Variants in KIF20B observed in about 807,000 individuals in gnomAD.
The protein encoded by KIF20B is kinesin-like protein KIF20B.
KIF20B carries 188 observed loss-of-function variants against 232.5 expected under a neutral mutation model. The ratio of observed to expected loss-of-function variants is 0.81; its 90% CI spans 0.72 to 0.91. KIF20B has a LOEUF of 0.91. Ranked by LOEUF, KIF20B falls within the 40% of genes least tolerant of loss-of-function variation. The pLI is 0.00. For missense variants in KIF20B, 2,154 were observed against 2,055.9 expected, an observed-to-expected ratio of 1.05 and a Z score of -0.92; for synonymous variants, 712 against 683.0, an observed-to-expected ratio of 1.04 and a Z score of -0.66.
chr10:89,714,506 AT>A (rs1438996598), intron 7 of KIF20B, among the ~76,000 whole-genome samples: 4 of 151,830 alleles, frequency 2.6e-5, no homozygotes, highest in East Asian at 1.9e-4. Context: ...GTATTTATTT[AT>A]TTTTTTTCTA....
intron 19 of KIF20B, among the ~76,000 whole-genome samples, chr10:89,735,848 AG>A (rs756221654): frequency 6.6e-6 from 1 of 152,100 alleles, no homozygotes; most frequent in Non-Finnish European, 1.5e-5. Context: ...AGAAAGTAGT[AG>A]GTTTCTTAAC....
chr10:89,773,808 A>G (rs535956661), intron 32 of KIF20B, among the ~76,000 whole-genome samples, 163 bp from the exon 33 acceptor site: 5 of 152,118 alleles, frequency 3.3e-5, no homozygotes, highest in African/African-American at 1.2e-4. Context: ...TTTTTTAAAT[A>G]AATTTTTATA....
In KIF20B at chr10:89,710,013, T is replaced by A. The variant is rs1306248283; in HGVS notation, c.438T>A (p.Arg146=). ...PVKDLLKGQS[R]LIFTYGLTNS... ...AAGACCTCTTGAAAGGACAGAGTCG[T>A]CTGATTTTTACTTACGGGCTAACCA... Residue 146 remains arginine, a synonymous_variant, in exon 5 of 33, where the codon CGT becomes CGA. Transcript: ENST00000371728. The A allele has an allele frequency of 2.5e-6, 4 of 1,611,456 alleles. No homozygotes were observed. Among genetic ancestry groups the A allele is most frequent in the Non-Finnish European group, 3.4e-6 (4 of 1,178,774 alleles).
At position 89,768,348 on chromosome 10, in the gene KIF20B, C is replaced by G. The variant is rs373257085; in HGVS notation, c.5048C>G (p.Pro1683Arg). Residue 1683 changes from proline (P) to arginine (R), a missense_variant, in exon 30 of 33, where the codon CCT becomes CGT. Coordinates refer to ENST00000371728, the MANE Select transcript of KIF20B (RefSeq NM_001284259.2). ...ACACCCAGAACTAATTTGAAATTTCCTATTTCAGATGATAGAAATTCTTCT... is the reference window on the plus strand; with the variant it reads ...ACACCCAGAACTAATTTGAAATTTCGTATTTCAGATGATAGAAATTCTTCT... ...NATPRTNLKF[P>R]ISDDRNSSVK... 2.5e-6 allele frequency: 4 copies of G among 1,591,276 alleles called. No individual in the cohort carries two copies. Among genetic ancestry groups the G allele is most frequent in the Middle Eastern group, 1.7e-4 (1 of 6,010 alleles).
chr10:89,702,065 A>G (rs1297844803), intron 1 of KIF20B, among the ~76,000 whole-genome samples: 1 of 152,204 alleles, frequency 6.6e-6, no homozygotes, highest in African/African-American at 2.4e-5. Flanking sequence ...CACAGTAGGT[A>G]CTAAATGTTT....
At chr10:89,739,140 TG>T (rs1841738914) in intron 21 of KIF20B, 44 bp downstream of exon 21, 1 of 1,586,016 alleles carries the variant, frequency 6.3e-7, no homozygotes, top group Non-Finnish European at 8.6e-7. Flanking sequence ...TGATAAAGAT[TG>T]TTTTCCTTAT....
At chr10:89,713,065 GA>G (rs1050795418) in intron 6 of KIF20B, among the ~76,000 whole-genome samples, 5 of 151,952 alleles carry the variant, frequency 3.3e-5, no homozygotes, top group African/African-American at 1.2e-4. Flanking sequence ...CATTAATAAT[GA>G]AAAAAATTTT....
chr10:89,762,178 A>G (rs61870790), intron 28 of KIF20B, among the ~76,000 whole-genome samples: 1,886 of 152,276 alleles, frequency 0.012, 21 homozygotes, highest in Non-Finnish European at 0.019. Flanking sequence ...TTAGAGGACC[A>G]TAATGTTATT....
rs575848240 is a variant in KIF20B at position 89,724,830 on chromosome 10, G to A, written c.1863-190G>A. ...CGGTGTTGCTGTGTTGGCCAGGCTG[G>A]TTTCAAACTCCTGGCCTGAAGTGAT... On this transcript the variant is annotated intron_variant, in intron 14 of 32. Transcript: ENST00000371728. Among the ~76,000 whole-genome samples the A allele has an allele frequency of 1.6e-3, 238 of 152,212 alleles. 1 individual carries two copies. Among genetic ancestry groups the A allele is most frequent in the African/African-American group, 5.2e-3 (215 of 41,532 alleles).
intron 19 of KIF20B, among the ~76,000 whole-genome samples, chr10:89,736,907 T>C (rs575661630): frequency 6.6e-6 from 1 of 152,202 alleles, no homozygotes; most frequent in Middle Eastern, 3.4e-3. Context: ...CTTCTAATTT[T>C]AGCTATGAAA....
rs573176470 is a variant in KIF20B at position 89,717,426 on chromosome 10, A to C, written c.1055A>C (p.His352Pro). The change falls in exon 10 of 33, where the codon CAC becomes CCC. Residue 352 changes from histidine to proline, a missense_variant and splice_region_variant. By Grantham distance (77) the His-to-Pro change is moderately conservative. Transcript: ENST00000371728. ...AACATTTGATCTTTGTATTTCAGTC[A>C]CAGCATATTCACTGTTAAAATATTA... ...TKLNNASSRS[H>P]SIFTVKILQI... The C allele has an allele frequency of 1.3e-6, 2 of 1,561,372 alleles. No homozygotes were observed. Among genetic ancestry groups the C allele is most frequent in the African/African-American group, 2.7e-5 (2 of 73,620 alleles).
chr10:89,743,927 GGTAAACAGTTTT>G lies in KIF20B; in HGVS notation c.4035+3_4035+14del. The G allele has an allele frequency of 6.3e-7, 1 of 1,578,820 alleles. No individual in the cohort carries two copies. ...AACAGCGAACCATTCAGCAACTCAA[GGTAAACAGTTTT>G]GTTTTTAAAGATGATTTAAATGCAT... On this transcript the variant is annotated splice_donor_variant and splice_donor_5th_base_variant and intron_variant, in intron 22 of 32. Coordinates refer to ENST00000371728, the MANE Select transcript of KIF20B (RefSeq NM_001284259.2). LOFTEE classifies it high-confidence loss of function.
rs1842788565 is a variant in KIF20B, at chr10:89,709,228, A to C, written c.209A>C (p.Gln70Pro). Residue 70 changes from glutamine (Q) to proline (P), a missense_variant, in exon 3 of 33, where the codon CAG becomes CCG. Physicochemically the swap from Gln to Pro is moderately conservative, Grantham distance 76 (BLOSUM62 -1). Transcript: ENST00000371728. The stretch of plus-strand genomic sequence containing the variant: ...TGTCTTCGAATAAGACCATTTACAC[A>C]GTCAGAAAAAGAACTTGAGTCTGAG... Reference protein sequence around the residue: ...QVCLRIRPFTQSEKELESEGC... With the variant: ...QVCLRIRPFTPSEKELESEGC... 1.2e-6 allele frequency: 2 copies of C among 1,610,190 alleles called. No homozygotes were observed. The highest frequency in any genetic ancestry group is 1.3e-5 in the African/African-American group (1 of 74,964).
chr10:89,744,064 A>T, intron 22 of KIF20B, 137 bp downstream of exon 22: 2 of 654,360 alleles, frequency 3.1e-6, no homozygotes, highest in Non-Finnish European at 4.8e-6. Flanking sequence ...ATTTAAAATT[A>T]AATAGGCAAA....
intron 20 of KIF20B, 32 bp from the exon 21 acceptor site, chr10:89,738,926 A>C: frequency 1.9e-6 from 3 of 1,598,510 alleles, no homozygotes; most frequent in Non-Finnish European, 2.6e-6. Context: ...TTAATGATGC[A>C]TTACCATAGA....
In KIF20B at chr10:89,737,594, A is replaced by T. The variant is rs774073640; in HGVS notation, c.2753A>T (p.Glu918Val). The T allele has an allele frequency of 1.9e-6, 3 of 1,604,994 alleles. No homozygotes were observed. In the South Asian group the frequency reaches 3.4e-5, roughly 18 times the overall value. Residue 918 changes from glutamate to valine, a missense_variant, in exon 20 of 33, where the codon GAA (glutamate) becomes GTA (valine). Transcript: ENST00000371728. ...LNKQIVHFQQ[E>V]LSLSEKKNLT... ...AAACAGATTGTTCATTTTCAGCAGGAACTTTCTCTTTCTGAAAAAAAGAAT... is the reference window on the plus strand; with the variant it reads ...AAACAGATTGTTCATTTTCAGCAGGTACTTTCTCTTTCTGAAAAAAAGAAT...
Position 89,737,638 on chromosome 10 carries a change from G to C in KIF20B, c.2797G>C (p.Val933Leu). 6.2e-7 allele frequency: 1 copy of C among 1,610,598 alleles called. No individual in the cohort carries two copies. The highest frequency in any genetic ancestry group is 2.2e-5 in the East Asian group (1 of 44,770). The change falls in exon 20 of 33, where the codon GTC (valine) becomes CTC (leucine). Residue 933 changes from valine to leucine, a missense_variant. Coordinates refer to ENST00000371728, the MANE Select transcript of KIF20B (RefSeq NM_001284259.2). The stretch of plus-strand genomic sequence containing the variant: ...AAAGAATTTAACTTTAAGTAAAGAG[G>C]TCCAACAAATTCAGTCAAATTATGA... ...EKKNLTLSKE[V>L]QQIQSNYDIA...
At position 89,762,700 on chromosome 10, in the gene KIF20B, T is replaced by C; in HGVS notation, c.4854T>C (p.Phe1618=). 6.2e-7 allele frequency: 1 copy of C among 1,613,680 alleles called. No homozygotes were observed. The highest frequency in any genetic ancestry group is 1.1e-5 in the South Asian group (1 of 91,068). Residue 1618 remains phenylalanine, a synonymous_variant, in exon 29 of 33, where the codon TTT becomes TTC. Coordinates refer to ENST00000371728, the MANE Select transcript of KIF20B (RefSeq NM_001284259.2). Reference sequence around the variant, plus strand: ...CAGAAAATGATCAAAGCACTCGATTTCCAAAACCTGAGTTAGAGATTCAAT... The same window carrying C: ...CAGAAAATGATCAAAGCACTCGATTCCCAAAACCTGAGTTAGAGATTCAAT... ...VSTENDQSTR[F]PKPELEIQFT... is the part of the protein sequence containing the mutation.
chr10:89,738,242 C>T lies in KIF20B; in HGVS notation c.3401C>T (p.Thr1134Ile), dbSNP rs1053507629. Residue 1134 changes from threonine (T) to isoleucine (I), a missense_variant, in exon 20 of 33, where the codon ACT (threonine) becomes ATT (isoleucine). Physicochemically the swap from Thr to Ile is moderately conservative, Grantham distance 89 (BLOSUM62 -1). Transcript: ENST00000371728. The stretch of plus-strand genomic sequence containing the variant: ...GAAGAATTGCAAGAAAAAAATGTTA[C>T]TCTTGATGTTCAAATACAGCATGTA... ...LKEELQEKNV[T>I]LDVQIQHVVE... The T allele has an allele frequency of 8.1e-6, 13 of 1,606,080 alleles. No homozygotes were observed. Among genetic ancestry groups the T allele is most frequent in the Non-Finnish European group, 1.1e-5 (13 of 1,178,220 alleles).
Sources: gnomAD v4.1 joint callset for allele counts (sites outside exome capture counted in the v4.1 genomes callset) on GRCh38, gnomAD v4.1.1 for gene constraint, MANE v1.5 for transcripts, NCBI Gene and HGNC (gene_info 2026-07-23, HGNC 2026-07-21) for gene names.